PDZD2: variants seen among roughly 807,000 people sequenced by gnomAD.
PDZD2 encodes PDZ domain containing 2, also known as PDZ domain-containing protein 2.
Under a neutral mutation model 220.7 loss-of-function variants are expected in PDZD2, and 90 were observed. The observed-to-expected ratio is 0.41, with a 90% confidence interval of 0.34 to 0.49. PDZD2 has a LOEUF of 0.49. PDZD2 is among the 20% of genes least tolerant of loss of function. The pLI, the probability that PDZD2 is intolerant of heterozygous loss-of-function variation, is 0.28. For synonymous variants in PDZD2, 1,375 were observed against 1,450.5 expected (o/e 0.95, Z 1.18); for missense variants, 3,174 against 3,608.5 (o/e 0.88, Z 3.08).
chr5:31,766,089 A>G (rs893977209), intron 1 of PDZD2, among the ~76,000 whole-genome samples: 1 of 152,176 alleles, frequency 6.6e-6, no homozygotes, highest in Non-Finnish European at 1.5e-5. Flanking sequence ...CTGGGGTGGA[A>G]GAATTACCTG....
At chr5:31,688,066 G>C (rs1746946043) in intron 1 of PDZD2, among the ~76,000 whole-genome samples, 2 of 152,174 alleles carry the variant, frequency 1.3e-5, no homozygotes, top group South Asian at 4.1e-4. Context: ...AGGTCAAGCA[G>C]TATATATACT....
At chr5:31,658,299 G>A (rs992203094) in intron 1 of PDZD2, among the ~76,000 whole-genome samples, 1 of 152,146 alleles carries the variant, frequency 6.6e-6, no homozygotes, top group Non-Finnish European at 1.5e-5. Context: ...CACAGAGGAT[G>A]ATCAGCGGAA....
chr5:31,972,381 T>C (rs1220654803), intron 2 of PDZD2, among the ~76,000 whole-genome samples: 3 of 152,050 alleles, frequency 2.0e-5, no homozygotes, highest in Non-Finnish European at 4.4e-5. Flanking sequence ...CCCCAAGTGC[T>C]GGGATTACAG....
In PDZD2 at chr5:31,779,841, C is replaced by T. The variant is rs188696098; in HGVS notation, c.-360-19048C>T. The stretch of plus-strand genomic sequence containing the variant: ...CATCTCCTTGGCAGCTTCACGTGTT[C>T]GTTTTTATTAGTGTCCATGATTAAT... On this transcript the variant is annotated intron_variant, in intron 1 of 24. Transcript: ENST00000438447. Among the ~76,000 whole-genome samples, 254 of 152,084 alleles carry T rather than the reference C, an allele frequency of 1.7e-3. 2 individuals carry two copies. The highest frequency in any genetic ancestry group is 6.0e-3 in the African/African-American group (248 of 41,490).
intron 21 of PDZD2, among the ~76,000 whole-genome samples, chr5:32,095,122 C>T (rs1301053741): frequency 6.6e-6 from 1 of 152,158 alleles, no homozygotes; most frequent in African/African-American, 2.4e-5. Context: ...ACTGTCCAGC[C>T]AACCACAAGC....
At chr5:31,794,495 G>A (rs1041784644) in intron 1 of PDZD2, among the ~76,000 whole-genome samples, 3 of 149,180 alleles carry the variant, frequency 2.0e-5, no homozygotes, top group African/African-American at 7.5e-5. Context: ...CCGCCTCCCG[G>A]GTTCACACCA....
chr5:31,895,745 C>T (rs1741489260), intron 2 of PDZD2, among the ~76,000 whole-genome samples: 1 of 152,126 alleles, frequency 6.6e-6, no homozygotes, highest in South Asian at 2.1e-4. Context: ...CTCATGAAGG[C>T]GCCTCTACCT....
At chr5:31,849,949 CAT>C (rs1167189434) in intron 2 of PDZD2, among the ~76,000 whole-genome samples, 265 of 20,456 alleles carry the variant, frequency 0.013, 53 homozygotes, top group South Asian at 0.084. Flanking sequence ...TATATATATA[CAT>C]ATATATATAT....
At position 32,037,312 on chromosome 5, in the gene PDZD2, A is replaced by G; in HGVS notation, c.1489A>G (p.Asn497Asp). The G allele has an allele frequency of 6.2e-7, 1 of 1,612,670 alleles. No individual in the cohort carries two copies. Among genetic ancestry groups the G allele is most frequent in the Non-Finnish European group, 8.5e-7 (1 of 1,178,644 alleles). Residue 497 changes from asparagine (N) to aspartate (D), a missense_variant, in exon 7 of 25, where the codon AAT becomes GAT. Transcript: ENST00000438447. Reference protein sequence around the residue: ...GNLESPKQGSNKIKLKSRLSG... With the variant: ...GNLESPKQGSDKIKLKSRLSG... ...CTTGGAAAGTCCCAAACAGGGCAGC[A>G]ATAAAATCAAGCTCAAGAGTCGCCT...
intron 1 of PDZD2, among the ~76,000 whole-genome samples, chr5:31,792,469 A>G (rs923057153): frequency 3.9e-5 from 6 of 152,134 alleles, no homozygotes; most frequent in African/African-American, 1.4e-4. Context: ...CCCAGGCTGG[A>G]GTGCAGTGGC....
chr5:32,101,295 G>A, intron 24 of PDZD2, 56 bp downstream of exon 24: 1 of 1,471,674 alleles, frequency 6.8e-7, no homozygotes, highest in South Asian at 1.3e-5. Context: ...TTCCATGGAT[G>A]TCTCAATGAA....
chr5:31,645,865 C>A (rs1344068184), intron 1 of PDZD2, among the ~76,000 whole-genome samples: 1 of 152,068 alleles, frequency 6.6e-6, no homozygotes, highest in Non-Finnish European at 1.5e-5. Flanking sequence ...CTGGCTGGGA[C>A]CTGCCAGCTC....
Position 32,090,461 on chromosome 5 carries a change from G to A in PDZD2, c.7013G>A (p.Arg2338Gln), listed in dbSNP as rs771714123. Reference sequence around the variant, plus strand: ...ACCTCATTTTTCTCTGTGAAGCAGCGGATCAAGTCTTTTGAGAACCTGGCC... The same window carrying A: ...ACCTCATTTTTCTCTGTGAAGCAGCAGATCAAGTCTTTTGAGAACCTGGCC... ...ESTSFFSVKQ[R>Q]IKSFENLANA... The change falls in exon 20 of 25, where the codon CGG (arginine) becomes CAG (glutamine). Residue 2338 changes from arginine (R) to glutamine (Q), a missense_variant. Physicochemically the swap from Arg to Gln is conservative, Grantham distance 43. Transcript: ENST00000438447. The surrounding 1 kb of genome is among the most constrained non-coding windows in gnomAD (Gnocchi z 4.3). 7.4e-6 allele frequency: 12 copies of A among 1,614,068 alleles called. No individual in the cohort carries two copies. Among genetic ancestry groups the A allele is most frequent in the East Asian group, 2.2e-5 (1 of 44,878 alleles).
intron 23 of PDZD2, chr5:32,099,069 G>A (rs1345252783): frequency 6.4e-6 from 1 of 155,650 alleles, no homozygotes; most frequent in African/African-American, 2.4e-5. Flanking sequence ...AGAAGGAAAT[G>A]AGGGGGCAAG....
intron 1 of PDZD2, among the ~76,000 whole-genome samples, chr5:31,769,498 A>G (rs777229385): frequency 6.6e-6 from 1 of 152,206 alleles, no homozygotes; most frequent in Non-Finnish European, 1.5e-5. Flanking sequence ...TTAAAAATGC[A>G]CAGCCTCCAA....
chr5:31,907,542 C>T (rs1742769126), intron 2 of PDZD2, among the ~76,000 whole-genome samples: 1 of 152,158 alleles, frequency 6.6e-6, no homozygotes, highest in Admixed American at 6.5e-5. Flanking sequence ...GTTATTGTGC[C>T]TTTCCTTCAA....
In PDZD2 at chr5:31,926,034, C is replaced by A. The variant is rs542525773; in HGVS notation, c.477-57121C>A. 5.3e-5 allele frequency among the ~76,000 whole-genome samples: 8 copies of A among 152,000 alleles called. No individual in the cohort carries two copies. The East Asian group carries it at 1.5e-3, about 29-fold the overall frequency. On this transcript the variant is annotated intron_variant, in intron 2 of 24. Transcript: ENST00000438447. ...AAGAGTTCAAGACCAGCCTAGGAAA[C>A]GCATAGCAAGACCCTGTCTCGACAG...
At position 31,991,209 on chromosome 5, in the gene PDZD2, T is replaced by C. The variant is rs1165641560; in HGVS notation, c.979-4367T>C. On this transcript the variant is annotated intron_variant, in intron 3 of 24. Transcript: ENST00000438447. ...CATCACAGCCTATGTTTTTTAAACC[T>C]TCCCCTTGGATGTTTGATGGAGGAT... 6.6e-5 allele frequency among the ~76,000 whole-genome samples: 10 copies of C among 152,192 alleles called. No individual in the cohort carries two copies. The South Asian group carries it at 1.9e-3, about 28-fold the overall frequency.
At chr5:31,662,914 G>A (rs930897506) in intron 1 of PDZD2, among the ~76,000 whole-genome samples, 11 of 152,234 alleles carry the variant, frequency 7.2e-5, no homozygotes, top group Non-Finnish European at 1.0e-4. Context: ...ACAGGTGTGA[G>A]CCACCTCACC....
Sources: gnomAD v4.1 joint callset for allele counts (sites outside exome capture counted in the v4.1 genomes callset) on GRCh38, gnomAD v4.1.1 for gene constraint, Gnocchi (gnomAD v3.1) non-coding constraint, MANE v1.5 for transcripts, NCBI Gene and HGNC (gene_info 2026-07-23, HGNC 2026-07-21) for gene names.